The following ADAM12 variants were observed in gnomAD, a reference collection of about 807,000 sequenced individuals.
ADAM12 encodes the protein ADAM metallopeptidase domain 12, also known as disintegrin and metalloproteinase domain-containing protein 12.
In ADAM12, 70 loss-of-function variants were observed where a neutral mutation model predicts 106.4. The ratio of observed to expected loss-of-function variants is 0.66; its 90% CI spans 0.54 to 0.80. ADAM12 has a LOEUF of 0.80. Among genes scored for constraint, ADAM12 ranks in the 30% least tolerant of loss-of-function variants. The probability of loss-of-function intolerance (pLI) is 0.00; values close to 1 mark genes in which losing one functional copy is unlikely to be tolerated. For missense variants in ADAM12, 1,010 were observed against 1,171.9 expected, an observed-to-expected ratio of 0.86 and a Z score of 2.02; for synonymous variants, 420 against 433.5, an observed-to-expected ratio of 0.97 and a Z score of 0.39.
intron 12 of ADAM12, among the ~76,000 whole-genome samples, chr10:126,069,203 C>A (rs1954933620): frequency 6.6e-6 from 1 of 152,134 alleles, no homozygotes; most frequent in African/African-American, 2.4e-5. Flanking sequence ...GGTTGTCACA[C>A]TGCCAAACAC....
chr10:126,374,960 G>T (rs758176379), intron 1 of ADAM12, among the ~76,000 whole-genome samples: 4 of 151,826 alleles, frequency 2.6e-5, no homozygotes, highest in Non-Finnish European at 5.9e-5. Context: ...TACCTTAAAA[G>T]TAACCAGAGA....
intron 19 of ADAM12, 100 bp from the exon 20 acceptor site, chr10:126,038,449 C>T: frequency 1.1e-6 from 1 of 889,796 alleles, no homozygotes; most frequent in Non-Finnish European, 1.7e-6. Flanking sequence ...AGACAGTTTA[C>T]TTAACTCAGT....
At chr10:126,071,330 G>A (rs1954984875) in intron 12 of ADAM12, 147 bp downstream of exon 12, 4 of 880,574 alleles carry the variant, frequency 4.5e-6, no homozygotes, top group South Asian at 2.2e-5. Context: ...CCTAGCTCAC[G>A]GGGCTTGTTC....
chr10:126,388,180 C>G lies in ADAM12; in HGVS notation c.-35G>C, dbSNP rs1590855606. On this transcript the variant is annotated 5_prime_UTR_variant, in exon 1 of 23. Coordinates refer to ENST00000448723, the MANE Select transcript of ADAM12 (RefSeq NM_001288973.2). This position sits in a 1 kb window ranked among gnomAD's most constrained non-coding sequence, Gnocchi z 4.4. The stretch of plus-strand genomic sequence containing the variant: ...CCTTCAGTGCAGCAGCTCTCGGGCC[C>G]GGCGGCGAGCGCTGCACCATCCCAC... 8.3e-7 allele frequency: 1 copy of G among 1,202,486 alleles called. No individual in the cohort carries two copies. 74.5% of individuals were successfully genotyped at this position (1,202,486 alleles called of 1,614,324 possible).
chr10:126,160,993 G>A (rs923384362), intron 3 of ADAM12, among the ~76,000 whole-genome samples: 1 of 152,198 alleles, frequency 6.6e-6, no homozygotes, highest in Non-Finnish European at 1.5e-5. Flanking sequence ...TGTCTCTCCA[G>A]AGGGTCCTTT....
chr10:126,222,975 G>A (rs1958123726), intron 3 of ADAM12, among the ~76,000 whole-genome samples: 1 of 152,220 alleles, frequency 6.6e-6, no homozygotes, highest in African/African-American at 2.4e-5. Flanking sequence ...AAAAGCCTAT[G>A]TCAGCTGATT....
intron 6 of ADAM12, among the ~76,000 whole-genome samples, chr10:126,116,755 A>G (rs1257637184): frequency 6.6e-6 from 1 of 152,138 alleles, no homozygotes; most frequent in Non-Finnish European, 1.5e-5. Flanking sequence ...GAATGAATGT[A>G]AAATTAGAGT....
At chr10:126,228,067 G>A (rs975599679) in intron 3 of ADAM12, among the ~76,000 whole-genome samples, 7 of 152,254 alleles carry the variant, frequency 4.6e-5, no homozygotes, top group African/African-American at 1.4e-4. Context: ...GGTCAAGGAC[G>A]GCCCCAGACA....
intron 8 of ADAM12, among the ~76,000 whole-genome samples, chr10:126,103,729 T>C (rs1955711902): frequency 6.6e-6 from 1 of 152,204 alleles, no homozygotes; most frequent in Admixed American, 6.5e-5. Context: ...AAATGGAGCT[T>C]GGCAGCTGCC....
chr10:126,157,039 G>GA (rs1956832146), intron 3 of ADAM12, among the ~76,000 whole-genome samples: 5 of 151,536 alleles, frequency 3.3e-5, no homozygotes, highest in African/African-American at 1.2e-4. Flanking sequence ...GTGTGGGGGG[G>GA]TGCTCCTCCA....
intron 20 of ADAM12, among the ~76,000 whole-genome samples, chr10:126,037,069 C>T (rs543195178): frequency 2.7e-4 from 41 of 152,268 alleles, no homozygotes; most frequent in African/African-American, 9.9e-4. Flanking sequence ...CTGTCACTAT[C>T]AGTTTGCATT....
intron 3 of ADAM12, among the ~76,000 whole-genome samples, chr10:126,171,018 A>T (rs1470411342): frequency 1.3e-5 from 2 of 152,206 alleles, no homozygotes; most frequent in Non-Finnish European, 2.9e-5. Context: ...AGGCCACACC[A>T]ATCAATATTC....
At chr10:126,215,405 T>C (rs1345870313) in intron 3 of ADAM12, among the ~76,000 whole-genome samples, 1 of 152,142 alleles carries the variant, frequency 6.6e-6, no homozygotes, top group African/African-American at 2.4e-5. Context: ...GTTAAATATC[T>C]GGGGGAGGCC....
chr10:126,373,266 C>T (rs1013908418), intron 1 of ADAM12, among the ~76,000 whole-genome samples: 5 of 152,188 alleles, frequency 3.3e-5, no homozygotes, highest in Admixed American at 6.5e-5. Flanking sequence ...GGCAGAGGAG[C>T]GGCTTCTGGG....
In ADAM12 at chr10:126,234,046, G is replaced by A. The variant is rs560664260; in HGVS notation, c.260+44869C>T. Among the ~76,000 whole-genome samples the A allele has an allele frequency of 1.3e-4, 20 of 152,282 alleles. No individual in the cohort carries two copies. The South Asian group carries it at 2.9e-3, about 22-fold the overall frequency. On this transcript the variant is annotated intron_variant, in intron 3 of 22. Transcript: ENST00000448723. The stretch of plus-strand genomic sequence containing the variant: ...TAAGCTGGCTGTAGCCGGGCCTCCC[G>A]AGGAAAGTAATGAAGAGGCTGAAAA...
chr10:126,173,549 G>C (rs1374219807), intron 3 of ADAM12, among the ~76,000 whole-genome samples: 1 of 152,194 alleles, frequency 6.6e-6, no homozygotes, highest in Admixed American at 6.5e-5. Flanking sequence ...GTCCTCTGTG[G>C]GGCAAAATCA....
At chr10:126,247,672 C>T (rs1590676988) in intron 3 of ADAM12, among the ~76,000 whole-genome samples, 1 of 152,158 alleles carries the variant, frequency 6.6e-6, no homozygotes, top group African/African-American at 2.4e-5. Flanking sequence ...GACTAAGTCA[C>T]CAACCAGGAA....
rs374795646 is a variant in ADAM12, at chr10:126,031,232, ATCT to A, written c.2529+4911_2529+4913del. Among the ~76,000 whole-genome samples the A allele has an allele frequency of 2.6e-4, 40 of 152,292 alleles. No homozygotes were observed. The East Asian group carries it at 6.2e-3, about 24-fold the overall frequency. On this transcript the variant is annotated intron_variant, in intron 21 of 22. Transcript: ENST00000448723. ...ATAAAACTCAGTTTTCTTGTATTTC[ATCT>A]TCTTCAGGAGAACATACTAACAAAT... is the stretch of plus-strand genomic sequence containing the variant.
intron 3 of ADAM12, among the ~76,000 whole-genome samples, chr10:126,248,280 T>C (rs1258460024): frequency 6.6e-6 from 1 of 152,168 alleles, no homozygotes. Context: ...ACAAATGAAC[T>C]CGGAAATGAG....
Sources: gnomAD v4.1 joint callset for allele counts (sites outside exome capture counted in the v4.1 genomes callset) on GRCh38, gnomAD v4.1.1 for gene constraint, Gnocchi (gnomAD v3.1) non-coding constraint, MANE v1.5 for transcripts, NCBI Gene and HGNC (gene_info 2026-07-23, HGNC 2026-07-21) for gene names.